The following PRKCE variants were observed in gnomAD, a reference collection of about 807,000 sequenced individuals.
PRKCE encodes the protein protein kinase C epsilon type.
Under a neutral mutation model 85.4 loss-of-function variants are expected in PRKCE, and 16 were observed. The ratio of observed to expected loss-of-function variants is 0.19; its 90% CI spans 0.13 to 0.28. PRKCE has a LOEUF of 0.28. Ranked by LOEUF, PRKCE falls within the 10% of genes least tolerant of loss-of-function variation. The pLI is 1.00. For missense variants in PRKCE, 573 were observed against 975.2 expected (o/e 0.59, Z 5.49); for synonymous variants, 388 against 371.5 (o/e 1.04, Z -0.51).
intron 11 of PRKCE, among the ~76,000 whole-genome samples, chr2:46,124,228 G>A (rs1023534496): frequency 1.3e-5 from 2 of 152,094 alleles, no homozygotes; most frequent in East Asian, 1.9e-4. Flanking sequence ...GGGAGGCTGC[G>A]GCAGGAGAAT....
intron 1 of PRKCE, among the ~76,000 whole-genome samples, chr2:45,809,621 T>C: frequency 6.6e-6 from 1 of 151,920 alleles, no homozygotes; most frequent in Non-Finnish European, 1.5e-5. Flanking sequence ...CGGTGGCTCA[T>C]GCCTGTAATC....
At chr2:45,716,827 T>A (rs10188091) in intron 1 of PRKCE, among the ~76,000 whole-genome samples, 63,151 of 151,802 alleles carry the variant, frequency 0.42, 13,354 homozygotes, top group African/African-American at 0.46. Flanking sequence ...CTCAGGAAAC[T>A]TACAATCATG....
At chr2:46,047,127 C>T (rs1393207242) in intron 10 of PRKCE, among the ~76,000 whole-genome samples, 1 of 152,188 alleles carries the variant, frequency 6.6e-6, no homozygotes, top group Non-Finnish European at 1.5e-5. Context: ...GGAGACCCAG[C>T]CTTCCTGGCC....
chr2:46,135,745 G>GTTTTTTTTT (rs1558491144), intron 11 of PRKCE, among the ~76,000 whole-genome samples: 15 of 14,896 alleles, frequency 1.0e-3, no homozygotes, highest in East Asian at 9.1e-3. Context: ...AACAAATTAT[G>GTTTTTTTTT]CTTTTTTTTT....
At chr2:45,923,628 C>T (rs1442103999) in intron 2 of PRKCE, among the ~76,000 whole-genome samples, 1 of 152,196 alleles carries the variant, frequency 6.6e-6, no homozygotes, top group African/African-American at 2.4e-5. Context: ...AAGTCTAAGA[C>T]ACAAAGACAC....
intron 11 of PRKCE, among the ~76,000 whole-genome samples, chr2:46,092,536 G>A (rs1331504133): frequency 6.6e-6 from 1 of 152,170 alleles, no homozygotes; most frequent in Non-Finnish European, 1.5e-5. Flanking sequence ...TGACCATGAT[G>A]TTTATAAAAA....
intron 11 of PRKCE, among the ~76,000 whole-genome samples, chr2:46,124,639 C>T (rs1299061012): frequency 6.6e-6 from 1 of 152,182 alleles, no homozygotes; most frequent in Non-Finnish European, 1.5e-5. Flanking sequence ...TATGTTCACA[C>T]TTGTGGGCAG....
At chr2:45,698,047 A>C (rs1054824577) in intron 1 of PRKCE, 1 of 152,626 alleles carries the variant, frequency 6.6e-6, no homozygotes, top group Non-Finnish European at 1.5e-5. Context: ...TCAATTTCCA[A>C]GCAGCTAAGA....
intron 1 of PRKCE, among the ~76,000 whole-genome samples, chr2:45,744,857 C>T (rs1447675501): frequency 6.6e-6 from 1 of 152,206 alleles, no homozygotes; most frequent in Non-Finnish European, 1.5e-5. Flanking sequence ...GATCCACCTG[C>T]CTTGGCCTCC....
chr2:45,709,411 A>G (rs1679412903), intron 1 of PRKCE, among the ~76,000 whole-genome samples: 1 of 152,222 alleles, frequency 6.6e-6, no homozygotes, highest in Non-Finnish European at 1.5e-5. Context: ...TCAGCCAGCT[A>G]TTTGACCTTG....
intron 11 of PRKCE, among the ~76,000 whole-genome samples, chr2:46,121,780 C>G (rs1343128439): frequency 2.6e-5 from 4 of 152,156 alleles, no homozygotes; most frequent in African/African-American, 9.7e-5. Context: ...TACACCTAAA[C>G]ATGTACTAAA....
intron 6 of PRKCE, among the ~76,000 whole-genome samples, chr2:45,991,681 G>T (rs973857077): frequency 6.6e-6 from 1 of 152,198 alleles, no homozygotes; most frequent in Non-Finnish European, 1.5e-5. Context: ...GCATATGTGT[G>T]AATAATTATG....
intron 10 of PRKCE, among the ~76,000 whole-genome samples, chr2:46,035,603 C>T (rs1707808554): frequency 6.6e-6 from 1 of 152,170 alleles, no homozygotes; most frequent in Non-Finnish European, 1.5e-5. Context: ...TATTGTTGTT[C>T]GTAAATGTCT....
At chr2:46,054,348 G>A (rs1308449469) in intron 10 of PRKCE, among the ~76,000 whole-genome samples, 2 of 152,186 alleles carry the variant, frequency 1.3e-5, no homozygotes, top group Non-Finnish European at 2.9e-5. Flanking sequence ...AAACTAACAC[G>A]CAGGACATTA....
At chr2:45,682,795 A>C (rs555803275) in intron 1 of PRKCE, among the ~76,000 whole-genome samples, 1 of 151,652 alleles carries the variant, frequency 6.6e-6, no homozygotes, top group East Asian at 1.9e-4. Context: ...TCATGTTTCA[A>C]CTCCTGACCT....
intron 1 of PRKCE, among the ~76,000 whole-genome samples, chr2:45,760,760 A>G (rs1217689036): frequency 6.6e-6 from 1 of 152,160 alleles, no homozygotes; most frequent in Admixed American, 6.5e-5. Context: ...ATACCCGGTG[A>G]AAGGATGTGG....
At chr2:45,684,865 C>A (rs1677178648) in intron 1 of PRKCE, among the ~76,000 whole-genome samples, 1 of 152,138 alleles carries the variant, frequency 6.6e-6, no homozygotes, top group Non-Finnish European at 1.5e-5. Flanking sequence ...CAAATAGGAT[C>A]TGTGTGGCTG....
chr2:46,085,212 C>T (rs906624269), intron 10 of PRKCE, among the ~76,000 whole-genome samples: 1 of 152,116 alleles, frequency 6.6e-6, no homozygotes, highest in Non-Finnish European at 1.5e-5. Flanking sequence ...GGGCCACCTA[C>T]AATAAGGTGT....
intron 11 of PRKCE, among the ~76,000 whole-genome samples, chr2:46,122,631 G>T (rs796446795): frequency 8.5e-5 from 13 of 152,302 alleles, no homozygotes; most frequent in African/African-American, 3.1e-4. Flanking sequence ...TGGGTTGATA[G>T]ATGAAGTTCC....
Sources: gnomAD v4.1 joint callset for allele counts (sites outside exome capture counted in the v4.1 genomes callset) on GRCh38, gnomAD v4.1.1 for gene constraint, MANE v1.5 for transcripts, NCBI Gene and HGNC (gene_info 2026-07-23, HGNC 2026-07-21) for gene names.